Variants in ORAI3 observed in about 807,000 individuals in gnomAD.
ORAI3 encodes the protein ORAI calcium release-activated calcium modulator 3, also known as protein orai-3.
ORAI3 carries 15 observed loss-of-function variants against 17.2 expected under a neutral mutation model. The observed-to-expected ratio is 0.87, with a 90% CI of 0.58 to 1.34. The LOEUF (loss-of-function observed/expected upper bound fraction) is 1.34, where lower values mean the gene tolerates loss of function less well. ORAI3 is among the 40% of genes most tolerant of loss of function. The pLI is 0.00. For synonymous variants in ORAI3, 178 were observed against 172.4 expected (o/e 1.03, Z -0.25); for missense variants, 405 against 396.7 (o/e 1.02, Z -0.18).
chr16:30,952,645 T>C (rs1181457371), intron 1 of ORAI3, among the ~76,000 whole-genome samples: 2 of 152,200 alleles, frequency 1.3e-5, no homozygotes, highest in Non-Finnish European at 2.9e-5. Flanking sequence ...AAGCATGTCA[T>C]CCAGCCCTTT....
Position 30,953,200 on chromosome 16 carries a change from G to A in ORAI3, c.244G>A (p.Val82Met). The A allele has an allele frequency of 6.3e-7, 1 of 1,577,826 alleles. No individual in the cohort carries two copies. The highest frequency in any genetic ancestry group is 8.6e-7 in the Non-Finnish European group (1 of 1,161,778). ...SGFAMVAMVE[V>M]QLESDHEYPP... ...GTCCCTGCAGGTGGCCATGGTGGAG[G>A]TGCAGCTGGAGAGTGACCACGAGTA... is the stretch of plus-strand genomic sequence containing the variant. Residue 82 changes from valine (V) to methionine (M), a missense_variant, in exon 2 of 2, where the codon GTG becomes ATG. Coordinates refer to ENST00000318663, the MANE Select transcript of ORAI3 (RefSeq NM_152288.3).
At position 30,949,148 on chromosome 16, in the gene ORAI3, T is replaced by C. The variant is rs2055906748; in HGVS notation, c.-142T>C. On this transcript the variant is annotated 5_prime_UTR_variant, in exon 1 of 2. Coordinates refer to ENST00000318663, the MANE Select transcript of ORAI3 (RefSeq NM_152288.3). The stretch of plus-strand genomic sequence containing the variant: ...GCTGCTTTTCTTGCTCCACTGGGGG[T>C]GCCTCTTCCTGGGCGCCCGCCGCCT... 3.8e-6 allele frequency: 2 copies of C among 523,438 alleles called. No individual in the cohort carries two copies. Among genetic ancestry groups the C allele is most frequent in the South Asian group, 6.7e-5 (2 of 29,868 alleles). The allele number at this position is 523,438 out of a possible 1,614,324, so 32.4% of individuals were successfully genotyped here.
Position 30,953,654 on chromosome 16 carries a change from G to A in ORAI3, c.698G>A (p.Gly233Asp), listed in dbSNP as rs776536429. 1 of 1,613,850 alleles carries A rather than the reference G, an allele frequency of 6.2e-7. No homozygotes were observed. Among genetic ancestry groups the A allele is most frequent in the Admixed American group, 1.7e-5 (1 of 60,018 alleles). Reference protein sequence around the residue: ...EPACPPRQACGGGGAHGPGWQ... With the variant: ...EPACPPRQACDGGGAHGPGWQ... ...GCCTGCCCACCCCGGCAAGCCTGTG[G>A]TGGTGGTGGGGCCCATGGGCCAGGC... The change falls in exon 2 of 2, where the codon GGT (glycine) becomes GAT (aspartate). Residue 233 changes from glycine (G) to aspartate (D), a missense_variant. Physicochemically the swap from Gly to Asp is moderately conservative, Grantham distance 94. Coordinates refer to ENST00000318663, the MANE Select transcript of ORAI3 (RefSeq NM_152288.3).
chr16:30,951,282 A>G (rs551862164), intron 1 of ORAI3, among the ~76,000 whole-genome samples: 2 of 152,182 alleles, frequency 1.3e-5, no homozygotes, highest in Non-Finnish European at 2.9e-5. Context: ...GCTGTCACTA[A>G]GCACCAGGCA....
intron 1 of ORAI3, among the ~76,000 whole-genome samples, chr16:30,952,210 T>C (rs1478735763): frequency 1.3e-5 from 2 of 150,274 alleles, no homozygotes; most frequent in African/African-American, 4.9e-5. Flanking sequence ...CACTGCAACC[T>C]CTGCCTCCTG....
Position 30,949,461 on chromosome 16 carries a change from C to G in ORAI3, c.172C>G (p.Arg58Gly). 1 of 1,608,566 alleles carries G rather than the reference C, an allele frequency of 6.2e-7. No individual in the cohort carries two copies. Among genetic ancestry groups the G allele is most frequent in the Non-Finnish European group, 8.5e-7 (1 of 1,178,776 alleles). The change falls in exon 1 of 2, where the codon CGG becomes GGG. Residue 58 changes from arginine (R) to glycine (G), a missense_variant. Physicochemically the swap from Arg to Gly is moderately radical, Grantham distance 125. Transcript: ENST00000318663. ...CAGCTGGCGCCGCCTCTACCTCAGC[C>G]GGGCCAAGCTCAAAGCTTCCAGCCG... Reference protein sequence around the residue: ...ALSWRRLYLSRAKLKASSRTS... With the variant: ...ALSWRRLYLSGAKLKASSRTS...
At position 30,949,333 on chromosome 16, in the gene ORAI3, A is replaced by G; in HGVS notation, c.44A>G (p.Asn15Ser). 1 of 1,488,914 alleles carries G rather than the reference A, an allele frequency of 6.7e-7. No individual in the cohort carries two copies. Among genetic ancestry groups the G allele is most frequent in the Non-Finnish European group, 8.9e-7 (1 of 1,120,934 alleles). 92.2% of individuals were successfully genotyped at this position (1,488,914 alleles called of 1,614,324 possible). ...EGDAGEQAPL[N>S]PEGESPAGSA... ...GACGCGGGCGAGCAGGCCCCGCTGA[A>G]CCCTGAGGGCGAGAGCCCTGCAGGC... The change falls in exon 1 of 2, where the codon AAC (asparagine) becomes AGC (serine). Residue 15 changes from asparagine (N) to serine (S), a missense_variant. Physicochemically the swap from Asn to Ser is conservative, Grantham distance 46 (BLOSUM62 1). Transcript: ENST00000318663.
intron 1 of ORAI3, among the ~76,000 whole-genome samples, chr16:30,951,827 C>G (rs1326868629): frequency 1.3e-5 from 2 of 152,134 alleles, no homozygotes; most frequent in Non-Finnish European, 2.9e-5. Context: ...TCCAAGTTTT[C>G]AAGGGGATCT....
At position 30,950,991 on chromosome 16, in the gene ORAI3, AG is replaced by A. The variant is rs1242076094; in HGVS notation, c.228+1478del. Among the ~76,000 whole-genome samples the A allele has an allele frequency of 3.9e-5, 6 of 152,306 alleles. No individual in the cohort carries two copies. The South Asian group carries it at 8.3e-4, about 21-fold the overall frequency. ...GGGCAGGACTGGCCGCAGTCCTAGCAGGGGTGACCGAGGCTGGGCCAGGCTC... is the reference window on the plus strand; with the variant it reads ...GGGCAGGACTGGCCGCAGTCCTAGCAGGGTGACCGAGGCTGGGCCAGGCTC... On this transcript the variant is annotated intron_variant, in intron 1 of 1. Coordinates refer to ENST00000318663, the MANE Select transcript of ORAI3 (RefSeq NM_152288.3).
intron 1 of ORAI3, among the ~76,000 whole-genome samples, chr16:30,952,464 T>C (rs1016694545): frequency 6.6e-6 from 1 of 152,142 alleles, no homozygotes; most frequent in Non-Finnish European, 1.5e-5. Flanking sequence ...TTAATGTTTA[T>C]ACCAACCCTA....
At chr16:30,949,638 G>A (rs2055913112) in intron 1 of ORAI3, 121 bp downstream of exon 1, 2 of 730,084 alleles carry the variant, frequency 2.7e-6, no homozygotes, top group Admixed American at 3.2e-5. Context: ...CGTCAAAGGG[G>A]GAAGGAACAA....
rs1420621557 is a variant in ORAI3, at chr16:30,953,780, C to G, written c.824C>G (p.Thr275Arg). ...HFYRSLVAHK[T>R]DRYKQELEEL... ...TACCGCTCCTTGGTGGCACACAAGA[C>G]AGACCGCTACAAGCAGGAACTAGAG... is the stretch of plus-strand genomic sequence containing the variant. Residue 275 changes from threonine to arginine, a missense_variant, in exon 2 of 2, where the codon ACA (threonine) becomes AGA (arginine). Transcript: ENST00000318663. 7 of 1,613,922 alleles carry G rather than the reference C, an allele frequency of 4.3e-6. No homozygotes were observed. Among genetic ancestry groups the G allele is most frequent in the Non-Finnish European group, 5.9e-6 (7 of 1,180,016 alleles).
chr16:30,953,055 T>A, intron 1 of ORAI3, 130 bp from the exon 2 acceptor site: 3 of 795,652 alleles, frequency 3.8e-6, no homozygotes. Context: ...AGAGACTGAA[T>A]GTCTCTGGTT....
intron 1 of ORAI3, among the ~76,000 whole-genome samples, chr16:30,950,288 C>A (rs764282882): frequency 1.3e-5 from 2 of 152,164 alleles, no homozygotes; most frequent in Non-Finnish European, 2.9e-5. Context: ...AAACTGAGAT[C>A]ATGGAGGGTG....
Position 30,954,351 on chromosome 16 carries a change from A to G in ORAI3, c.*507A>G. ...TCCCACCACAGCCTCCCAGGTAGTG[A>G]GTAGCTGGTACTACAGGTGTGTGCT... On this transcript the variant is annotated 3_prime_UTR_variant, in exon 2 of 2. Transcript: ENST00000318663. 1.8e-6 allele frequency: 1 copy of G among 546,002 alleles called. No individual in the cohort carries two copies. Among genetic ancestry groups the G allele is most frequent in the Non-Finnish European group, 3.3e-6 (1 of 305,294 alleles). The allele number at this position is 546,002 out of a possible 1,614,324, so 33.8% of individuals were successfully genotyped here.
chr16:30,953,989 C>A lies in ORAI3; in HGVS notation c.*145C>A. 1 of 899,522 alleles carries A rather than the reference C, an allele frequency of 1.1e-6. No homozygotes were observed. Among genetic ancestry groups the A allele is most frequent in the Non-Finnish European group, 1.8e-6 (1 of 564,860 alleles). The allele number at this position is 899,522 out of a possible 1,614,324, so 55.7% of individuals were successfully genotyped here. On this transcript the variant is annotated 3_prime_UTR_variant, in exon 2 of 2. Transcript: ENST00000318663. ...TCTCAGGCAGAGTTCAGATTCCTGCCCGCAGGGTCCTCTGGGCTGGGCCTT... is the reference window on the plus strand; with the variant it reads ...TCTCAGGCAGAGTTCAGATTCCTGCACGCAGGGTCCTCTGGGCTGGGCCTT...
chr16:30,949,169 C>A lies in ORAI3; in HGVS notation c.-121C>A. ...GGGGTGCCTCTTCCTGGGCGCCCGC[C>A]GCCTGCATCCTGCTCGTCCTGTCTG... On this transcript the variant is annotated 5_prime_UTR_variant, in exon 1 of 2. Coordinates refer to ENST00000318663, the MANE Select transcript of ORAI3 (RefSeq NM_152288.3). 1 of 634,994 alleles carries A rather than the reference C, an allele frequency of 1.6e-6. No homozygotes were observed. Among genetic ancestry groups the A allele is most frequent in the Non-Finnish European group, 2.4e-6 (1 of 412,842 alleles). The allele number at this position is 634,994 out of a possible 1,614,324, so 39.3% of individuals were successfully genotyped here.
At chr16:30,950,933 G>T (rs1567344239) in intron 1 of ORAI3, among the ~76,000 whole-genome samples, 1 of 152,168 alleles carries the variant, frequency 6.6e-6, no homozygotes, top group Non-Finnish European at 1.5e-5. Context: ...AGCCTTCTCT[G>T]CAGGAGGAAG....
Position 30,953,815 on chromosome 16 carries a change from C to A in ORAI3, c.859C>A (p.Arg287Ser). 6.2e-7 allele frequency: 1 copy of A among 1,611,768 alleles called. No homozygotes were observed. The highest frequency in any genetic ancestry group is 1.1e-5 in the South Asian group (1 of 90,944). Residue 287 changes from arginine to serine, a missense_variant, in exon 2 of 2, where the codon CGC becomes AGC. Transcript: ENST00000318663. The stretch of plus-strand genomic sequence containing the variant: ...CAAGCAGGAACTAGAGGAACTGAAT[C>A]GCCTGCAGGGGGAGCTGCAGGCTGT... Reference protein sequence around the residue: ...RYKQELEELNRLQGELQAV With the variant: ...RYKQELEELNSLQGELQAV
Sources: gnomAD v4.1 joint callset for allele counts (sites outside exome capture counted in the v4.1 genomes callset) on GRCh38, gnomAD v4.1.1 for gene constraint, MANE v1.5 for transcripts, NCBI Gene and HGNC (gene_info 2026-07-23, HGNC 2026-07-21) for gene names.